Variants in ACTR3C observed in about 807,000 individuals in gnomAD.
The protein encoded by ACTR3C is actin related protein 3C.
Under a neutral mutation model 26.3 loss-of-function variants are expected in ACTR3C, and 18 were observed. That is an observed-to-expected ratio of 0.68 (90% confidence interval 0.47 to 1.01). The LOEUF is 1.01. ACTR3C is among the 50% of genes least tolerant of loss of function. ACTR3C has a pLI of 0.00. For missense variants in ACTR3C, 184 were observed against 250.7 expected (o/e 0.73, Z 1.80); for synonymous variants, 55 against 94.5 (o/e 0.58, Z 2.42).
At chr7:150,068,369 G>A in the ACTR3C span, among the ~76,000 whole-genome samples, 1 of 152,162 alleles carries the variant, frequency 6.6e-6, no homozygotes, top group African/African-American at 2.4e-5. Context: ...CGGTGCTTCA[G>A]GCTGTTTATG....
the ACTR3C span, among the ~76,000 whole-genome samples, chr7:149,997,524 C>T: frequency 6.6e-6 from 1 of 152,090 alleles, no homozygotes; most frequent in Non-Finnish European, 1.5e-5. Flanking sequence ...ATCTGGCATT[C>T]AATCAATATT....
the ACTR3C span, among the ~76,000 whole-genome samples, chr7:150,237,544 G>T: frequency 2.6e-5 from 4 of 151,964 alleles, no homozygotes; most frequent in East Asian, 7.7e-4. Flanking sequence ...ACCCTGTATT[G>T]GCTTCCCTTA....
chr7:150,009,726 C>A, the ACTR3C span, among the ~76,000 whole-genome samples: 1 of 152,228 alleles, frequency 6.6e-6, no homozygotes. Context: ...CAGAGAGAAA[C>A]ACCAGAGAAG....
At chr7:150,199,448 A>T in the ACTR3C span, among the ~76,000 whole-genome samples, 3 of 102,662 alleles carry the variant, frequency 2.9e-5, no homozygotes, top group Admixed American at 3.1e-4. Context: ...AATCTCAAGT[A>T]ATCAGGGACA....
At chr7:150,064,455 C>T in the ACTR3C span, among the ~76,000 whole-genome samples, 1 of 146,346 alleles carries the variant, frequency 6.8e-6, no homozygotes, top group East Asian at 2.0e-4. Context: ...ATCCCAGCTA[C>T]TGGCAAGGCT....
chr7:149,956,827 T>C, the ACTR3C span, among the ~76,000 whole-genome samples: 1 of 152,192 alleles, frequency 6.6e-6, no homozygotes, highest in Non-Finnish European at 1.5e-5. Flanking sequence ...AGTGAGCAGC[T>C]ACCCCCATCA....
chr7:150,186,831 C>G, the ACTR3C span, among the ~76,000 whole-genome samples: 1 of 152,056 alleles, frequency 6.6e-6, no homozygotes, highest in Non-Finnish European at 1.5e-5. Flanking sequence ...GTGTACCTGG[C>G]ACCAACTTTA....
chr7:150,093,628 C>T, the ACTR3C span, among the ~76,000 whole-genome samples: 4 of 150,816 alleles, frequency 2.7e-5, no homozygotes, highest in Non-Finnish European at 5.9e-5. Context: ...TCTCTGTGAC[C>T]CATAGCATGA....
At chr7:150,047,788 C>G in the ACTR3C span, 1 of 1,527,956 alleles carries the variant, frequency 6.5e-7, no homozygotes, top group Non-Finnish European at 8.8e-7. Flanking sequence ...TGACTCGCCT[C>G]CGGGGGCGTG....
chr7:150,156,375 G>A, the ACTR3C span, among the ~76,000 whole-genome samples: 1 of 152,242 alleles, frequency 6.6e-6, no homozygotes, highest in East Asian at 1.9e-4. Flanking sequence ...GGTGTGATTT[G>A]TTCTGAGGCT....
At chr7:149,970,640 CTCA>C in the ACTR3C span, among the ~76,000 whole-genome samples, 1 of 152,302 alleles carries the variant, frequency 6.6e-6, no homozygotes, top group African/African-American at 2.4e-5. Flanking sequence ...CTTATGTCAA[CTCA>C]TCATAGCCCT....
At chr7:149,958,433 A>C in the ACTR3C span, among the ~76,000 whole-genome samples, 1 of 152,244 alleles carries the variant, frequency 6.6e-6, no homozygotes, top group Non-Finnish European at 1.5e-5. Flanking sequence ...GAGCAGAATT[A>C]GTCTCTATCC....
the ACTR3C span, among the ~76,000 whole-genome samples, chr7:150,041,998 C>T: frequency 1.3e-4 from 19 of 143,870 alleles, no homozygotes; most frequent in African/African-American, 4.8e-4. Context: ...ACAACTAACA[C>T]CCACAGTCCT....
At chr7:150,019,258 A>G in the ACTR3C span, among the ~76,000 whole-genome samples, 1 of 150,534 alleles carries the variant, frequency 6.6e-6, no homozygotes, top group South Asian at 2.1e-4. Context: ...ATACTTGTAC[A>G]GCCAGGGTTT....
chr7:150,309,525 T>C (rs1796108450), intron 1 of ACTR3C, among the ~76,000 whole-genome samples: 2 of 152,188 alleles, frequency 1.3e-5, no homozygotes, highest in South Asian at 4.1e-4. Context: ...GCGCCTGCTG[T>C]AAGACAAACC....
downstream of ACTR3C, among the ~76,000 whole-genome samples, chr7:150,239,506 C>T (rs1289351397): frequency 9.3e-6 from 1 of 108,076 alleles, no homozygotes. Context: ...AAAAGTTGCT[C>T]GCTCTCTCTC....
the ACTR3C span, among the ~76,000 whole-genome samples, chr7:150,214,704 C>T: frequency 2.0e-5 from 3 of 152,052 alleles, no homozygotes; most frequent in Non-Finnish European, 4.4e-5. Flanking sequence ...GTGATCTTTG[C>T]ACCCACTACG....
At chr7:150,155,802 C>G in the ACTR3C span, among the ~76,000 whole-genome samples, 44 of 142,742 alleles carry the variant, frequency 3.1e-4, no homozygotes, top group Admixed American at 1.3e-3. Flanking sequence ...CTGCCCTCCC[C>G]TCTCTGCTCA....
chr7:150,208,489 T>G, the ACTR3C span, among the ~76,000 whole-genome samples: 2 of 152,094 alleles, frequency 1.3e-5, no homozygotes, highest in African/African-American at 4.8e-5. Context: ...AATCTCATGA[T>G]TCATGGACAT....
Sources: gnomAD v4.1 joint callset for allele counts (sites outside exome capture counted in the v4.1 genomes callset) on GRCh38, gnomAD v4.1.1 for gene constraint, MANE v1.5 for transcripts, NCBI Gene and HGNC (gene_info 2026-07-23, HGNC 2026-07-21) for gene names.